ATAD3C: variants seen among roughly 807,000 people sequenced by gnomAD.
The protein encoded by ATAD3C is ATPase family AAA domain-containing protein 3C.
ATAD3C carries 38 observed loss-of-function variants against 46.3 expected under a neutral mutation model. That is an observed-to-expected ratio of 0.82 (90% CI 0.63 to 1.08). The LOEUF is 1.08. Ranked by LOEUF, ATAD3C falls within the 50% of genes least tolerant of loss-of-function variation. ATAD3C has a pLI of 0.00. For missense variants in ATAD3C, 563 were observed against 572.7 expected (o/e 0.98, Z 0.17); for synonymous variants, 220 against 236.4 (o/e 0.93, Z 0.63).
chr1:1,452,310 C>G, intron 2 of ATAD3C, 55 bp from the exon 3 acceptor site: 1 of 1,612,172 alleles, frequency 6.2e-7, no homozygotes, highest in Non-Finnish European at 8.5e-7. Context: ...CCTGTTCTTG[C>G]TACGTGGCGT....
At position 1,459,042 on chromosome 1, in the gene ATAD3C, T is replaced by A; in HGVS notation, c.742-119T>A. ...CCCTGGTCAGGCTTTTGAGTCTAGA[T>A]CCGTGAAAGTGTCGCCATGTCCCTG... On this transcript the variant is annotated intron_variant, in intron 8 of 11. Transcript: ENST00000378785. This position sits in a 1 kb window ranked among gnomAD's most constrained non-coding sequence, Gnocchi z 4.9. 6.4e-7 allele frequency: 1 copy of A among 1,560,782 alleles called. No homozygotes were observed. The highest frequency in any genetic ancestry group is 1.2e-5 in the South Asian group (1 of 84,728).
At chr1:1,464,188 C>T (rs1467339449) in intron 11 of ATAD3C, among the ~76,000 whole-genome samples, 1 of 143,738 alleles carries the variant, frequency 7.0e-6, no homozygotes, top group South Asian at 2.2e-4. Context: ...GCCTGAGCAA[C>T]AGAGTGAGAC....
rs915161868 is a variant in ATAD3C, at chr1:1,450,667, C to T, written c.-17C>T. ...GTATCCTAACACCTGCCCTCCGTGT[C>T]CCTGCATCTGCAGGCCATGTCAAAG... is the stretch of plus-strand genomic sequence containing the variant. On this transcript the variant is annotated 5_prime_UTR_variant, in exon 1 of 12. Coordinates refer to ENST00000378785, the MANE Select transcript of ATAD3C (RefSeq NM_001039211.3). 1 of 1,608,798 alleles carries T rather than the reference C, an allele frequency of 6.2e-7. No homozygotes were observed. Among genetic ancestry groups the T allele is most frequent in the East Asian group, 2.2e-5 (1 of 44,766 alleles).
intron 8 of ATAD3C, among the ~76,000 whole-genome samples, chr1:1,457,923 G>A (rs112191029): frequency 0.019 from 2,898 of 151,692 alleles, 109 homozygotes; most frequent in African/African-American, 0.066. Flanking sequence ...TAATGCCCCT[G>A]CCTCAGCCTC....
intron 9 of ATAD3C, 124 bp from the exon 10 acceptor site, chr1:1,460,626 G>A: frequency 7.1e-7 from 1 of 1,404,972 alleles, no homozygotes; most frequent in South Asian, 1.6e-5. Flanking sequence ...TGTTTCCTGT[G>A]CTCACAAGCT....
At chr1:1,451,064 G>A (rs1225172198) in intron 1 of ATAD3C, among the ~76,000 whole-genome samples, 1 of 149,776 alleles carries the variant, frequency 6.7e-6, no homozygotes, top group African/African-American at 2.5e-5. Flanking sequence ...TTTTTGAGAT[G>A]GTGTCTTGCT....
In ATAD3C at chr1:1,462,369, T is replaced by C. The variant is rs1639082880; in HGVS notation, c.981-231T>C. The C allele has an allele frequency of 2.1e-6, 1 of 470,916 alleles. No homozygotes were observed. The highest frequency in any genetic ancestry group is 2.0e-5 in the African/African-American group (1 of 50,198). The allele number at this position is 470,916 out of a possible 1,614,324, so 29.2% of individuals were successfully genotyped here. ...CCTGTGGGTGCTGAGTGGACAGGGC[T>C]GGTGTTAGGAAGGGGTGCGGCCATC... On this transcript the variant is annotated intron_variant, in intron 10 of 11. Coordinates refer to ENST00000378785, the MANE Select transcript of ATAD3C (RefSeq NM_001039211.3). This position sits in a 1 kb window ranked among gnomAD's most constrained non-coding sequence, Gnocchi z 4.5.
chr1:1,465,695 G>A (rs1391240775), intron 11 of ATAD3C, among the ~76,000 whole-genome samples: 1 of 151,624 alleles, frequency 6.6e-6, no homozygotes, highest in Non-Finnish European at 1.5e-5. Flanking sequence ...ATGTCACAGG[G>A]TTGTTTTTTC....
chr1:1,451,987 G>A, intron 1 of ATAD3C, 59 bp from the exon 2 acceptor site: 1 of 1,600,098 alleles, frequency 6.2e-7, no homozygotes, highest in Non-Finnish European at 8.5e-7. Context: ...CCTCTGGATT[G>A]GTGTTGAGCA....
At chr1:1,468,290 C>T (rs950842026) in intron 11 of ATAD3C, 94 bp from the exon 12 acceptor site, 4 of 1,485,746 alleles carry the variant, frequency 2.7e-6, no homozygotes, top group Non-Finnish European at 3.6e-6. Flanking sequence ...CCTGGAGCCC[C>T]TGGTTTGGTC....
Position 1,450,777 on chromosome 1 carries a change from G to A in ATAD3C, c.75+19G>A, listed in dbSNP as rs1437232330. 1 of 1,612,038 alleles carries A rather than the reference G, an allele frequency of 6.2e-7. No individual in the cohort carries two copies. The highest frequency in any genetic ancestry group is 1.3e-5 in the African/African-American group (1 of 74,904). On this transcript the variant is annotated intron_variant, in intron 1 of 11. Transcript: ENST00000378785. ...GCTCAAAGTGAGTGGGGCCGGTGTG[G>A]GCGGGGAGGCCGGGGCACACATGGG...
At chr1:1,463,825 T>A (rs144877629) in intron 11 of ATAD3C, among the ~76,000 whole-genome samples, 2,474 of 151,920 alleles carry the variant, frequency 0.016, 57 homozygotes, top group Admixed American at 0.041. Context: ...GGTGGGAGGA[T>A]CACTTGAGTC....
In ATAD3C at chr1:1,452,503, C is replaced by T. The variant is rs1332794979; in HGVS notation, c.222+69C>T. ...AGCATGTGGGGGCCTCCTGGAGCCA[C>T]AGGTCCTATCCCTGCTGGCTCTGCA... On this transcript the variant is annotated intron_variant, in intron 3 of 11. Coordinates refer to ENST00000378785, the MANE Select transcript of ATAD3C (RefSeq NM_001039211.3). 1.2e-5 allele frequency: 20 copies of T among 1,608,066 alleles called. No homozygotes were observed. In the East Asian group the frequency reaches 1.8e-4, roughly 14 times the overall value.
chr1:1,451,881 C>T (rs889826039), intron 1 of ATAD3C, among the ~76,000 whole-genome samples, 165 bp from the exon 2 acceptor site: 5 of 152,032 alleles, frequency 3.3e-5, no homozygotes, highest in African/African-American at 7.2e-5. Flanking sequence ...ACTGCCGTCC[C>T]GGCCGATGTC....
intron 8 of ATAD3C, among the ~76,000 whole-genome samples, chr1:1,458,428 C>T (rs1480751564): frequency 1.3e-5 from 2 of 150,788 alleles, no homozygotes; most frequent in Admixed American, 6.6e-5. Context: ...TCATGTACCA[C>T]CACACCCAGC....
rs576583773 is a variant in ATAD3C, at chr1:1,455,174, G to A, written c.379-286G>A. 3.2e-5 allele frequency among the ~76,000 whole-genome samples: 4 copies of A among 124,324 alleles called. No homozygotes were observed. In the East Asian group the frequency reaches 1.1e-3, roughly 34 times the overall value. 81.6% of individuals were successfully genotyped at this position (124,324 alleles called of 152,430 possible). A position where few individuals can be genotyped will look rare whatever the true frequency, so the allele number is the denominator to read the frequency against. On this transcript the variant is annotated intron_variant, in intron 4 of 11. Coordinates refer to ENST00000378785, the MANE Select transcript of ATAD3C (RefSeq NM_001039211.3). Reference sequence around the variant, plus strand: ...GGAGCTTGCAGTAAGCAGAGATCACGCCACTGCACTCCAGCCTGGGCGACA... The same window carrying A: ...GGAGCTTGCAGTAAGCAGAGATCACACCACTGCACTCCAGCCTGGGCGACA...
chr1:1,468,159 A>G (rs1223768962), intron 11 of ATAD3C, among the ~76,000 whole-genome samples: 1 of 152,110 alleles, frequency 6.6e-6, no homozygotes, highest in Non-Finnish European at 1.5e-5. Context: ...AAAGTCATTG[A>G]GCAACATTGG....
Position 1,450,534 on chromosome 1 carries a change from C to G in ATAD3C, c.-150C>G. 2.0e-6 allele frequency: 2 copies of G among 1,001,976 alleles called. No homozygotes were observed. The highest frequency in any genetic ancestry group is 3.0e-6 in the Non-Finnish European group (2 of 665,098). The allele number at this position is 1,001,976 out of a possible 1,614,324, so 62.1% of individuals were successfully genotyped here. ...TGGGGCATCGTCACGCCAGGTCTGA[C>G]TAGGAAGGAGGATGGGGAGGCAGGG... On this transcript the variant is annotated 5_prime_UTR_variant, in exon 1 of 12. Coordinates refer to ENST00000378785, the MANE Select transcript of ATAD3C (RefSeq NM_001039211.3).
At chr1:1,465,235 A>G (rs1460488214) in intron 11 of ATAD3C, among the ~76,000 whole-genome samples, 1 of 151,834 alleles carries the variant, frequency 6.6e-6, no homozygotes, top group Non-Finnish European at 1.5e-5. Flanking sequence ...AGTGAATTTC[A>G]AAGTATTTTA....
Sources: gnomAD v4.1 joint callset for allele counts (sites outside exome capture counted in the v4.1 genomes callset) on GRCh38, gnomAD v4.1.1 for gene constraint, Gnocchi (gnomAD v3.1) non-coding constraint, MANE v1.5 for transcripts, NCBI Gene and HGNC (gene_info 2026-07-23, HGNC 2026-07-21) for gene names.